Variants in EPHB2 observed in about 807,000 individuals in gnomAD.
The protein encoded by EPHB2 is ephrin type-B receptor 2.
In EPHB2, 18 loss-of-function variants were observed where a neutral mutation model predicts 96.4. The ratio of observed to expected loss-of-function variants is 0.19; its 90% CI spans 0.13 to 0.28. The LOEUF (loss-of-function observed/expected upper bound fraction) is 0.28. Among genes scored for constraint, EPHB2 ranks in the 10% least tolerant of loss-of-function variants. EPHB2 has a pLI of 1.00. For synonymous variants in EPHB2, 506 were observed against 534.1 expected, an observed-to-expected ratio of 0.95 and a Z score of 0.72; for missense variants, 989 against 1,355.4, an observed-to-expected ratio of 0.73 and a Z score of 4.25.
chr1:22,832,015 A>G (rs991992823), intron 3 of EPHB2, among the ~76,000 whole-genome samples: 2 of 152,224 alleles, frequency 1.3e-5, no homozygotes, highest in Non-Finnish European at 2.9e-5. Flanking sequence ...CAGGCCCCAA[A>G]TGGAGCAGCC....
At chr1:22,888,559 C>A (rs1024793899) in intron 6 of EPHB2, among the ~76,000 whole-genome samples, 3 of 152,208 alleles carry the variant, frequency 2.0e-5, no homozygotes, top group Non-Finnish European at 4.4e-5. Context: ...TGGCCCTAAG[C>A]TACCAGGTAA....
chr1:22,864,937 A>G lies in EPHB2; in HGVS notation c.1028A>G (p.Glu343Gly), dbSNP rs1017120256. Residue 343 changes from glutamate (E) to glycine (G), a missense_variant, in exon 5 of 16, where the codon GAG becomes GGG. By Grantham distance (98) the Glu-to-Gly change is moderately conservative (BLOSUM62 -2). Coordinates refer to ENST00000374630, the MANE Select transcript of EPHB2 (RefSeq NM_017449.5). ...SSVNETSLML[E>G]WTPPRDSGGR... is the part of the protein sequence containing the mutation. Reference sequence around the variant, plus strand: ...GTCAATGAGACCTCCCTCATGCTGGAGTGGACCCCTCCCCGCGACTCCGGA... The same window carrying G: ...GTCAATGAGACCTCCCTCATGCTGGGGTGGACCCCTCCCCGCGACTCCGGA... 6.2e-7 allele frequency: 1 copy of G among 1,605,216 alleles called. No homozygotes were observed. Among genetic ancestry groups the G allele is most frequent in the Non-Finnish European group, 8.5e-7 (1 of 1,175,514 alleles).
At chr1:22,788,985 A>G (rs1053903499) in intron 3 of EPHB2, among the ~76,000 whole-genome samples, 7 of 151,836 alleles carry the variant, frequency 4.6e-5, no homozygotes, top group Non-Finnish European at 8.8e-5. Context: ...GAACTCCTGG[A>G]CTCAAGTGAT....
At chr1:22,820,634 T>A (rs963315618) in intron 3 of EPHB2, among the ~76,000 whole-genome samples, 6 of 152,110 alleles carry the variant, frequency 3.9e-5, no homozygotes, top group Non-Finnish European at 7.4e-5. Flanking sequence ...CTGCACTCCA[T>A]GCACTCCAGC....
chr1:22,790,533 G>A lies in EPHB2; in HGVS notation c.811+5457G>A, dbSNP rs1644675657. Among the ~76,000 whole-genome samples, 1 of 152,252 alleles carries A rather than the reference G, an allele frequency of 6.6e-6. No homozygotes were observed. The highest frequency in any genetic ancestry group is 2.4e-5 in the African/African-American group (1 of 41,544). ...TTTCTAGAGTATGATAGGTGTGATT[G>A]TGAATGTTCCCCTGCCCCAGTTTCT... On this transcript the variant is annotated intron_variant, in intron 3 of 15. Transcript: ENST00000374630. This position sits in a 1 kb window ranked among gnomAD's most constrained non-coding sequence, Gnocchi z 4.0.
At chr1:22,850,967 T>C in intron 3 of EPHB2, among the ~76,000 whole-genome samples, 1 of 152,080 alleles carries the variant, frequency 6.6e-6, no homozygotes, top group East Asian at 1.9e-4. Flanking sequence ...TTGTAGGCTA[T>C]TGTTTTGTGG....
intron 3 of EPHB2, among the ~76,000 whole-genome samples, chr1:22,813,910 C>T (rs1313301427): frequency 1.9e-4 from 29 of 152,208 alleles, no homozygotes; most frequent in Non-Finnish European, 1.5e-5. Context: ...CACAGTGACT[C>T]ACGCCTGTAA....
intron 3 of EPHB2, among the ~76,000 whole-genome samples, chr1:22,849,164 G>A (rs1172031468): frequency 6.6e-6 from 1 of 152,134 alleles, no homozygotes; most frequent in Non-Finnish European, 1.5e-5. Flanking sequence ...AGGATCTGTG[G>A]TGCTGAGATT....
At chr1:22,755,323 C>G (rs1436959876) in intron 1 of EPHB2, among the ~76,000 whole-genome samples, 1 of 152,156 alleles carries the variant, frequency 6.6e-6, no homozygotes, top group East Asian at 1.9e-4. Context: ...CCTGCTGTCC[C>G]TGAATCTGTT....
At chr1:22,905,448 G>A (rs1312499514) in intron 9 of EPHB2, among the ~76,000 whole-genome samples, 1 of 152,046 alleles carries the variant, frequency 6.6e-6, no homozygotes, top group Non-Finnish European at 1.5e-5. Context: ...GGGAAGGCTG[G>A]GCAGCTAGAA....
chr1:22,916,000 G>A lies in EPHB2; in HGVS notation c.*2430G>A, dbSNP rs1640256581. 1 of 152,472 alleles carries A rather than the reference G, an allele frequency of 6.6e-6. No homozygotes were observed. Among genetic ancestry groups the A allele is most frequent in the Admixed American group, 6.5e-5 (1 of 15,290 alleles). The allele number at this position is 152,472 out of a possible 1,614,324, so 9.4% of individuals were successfully genotyped here. ...TGTTCCGGGAGCCTGAGCTGCAAAGGGAAGGAAGGGATTAGAGAGAAGTGT... is the reference window on the plus strand; with the variant it reads ...TGTTCCGGGAGCCTGAGCTGCAAAGAGAAGGAAGGGATTAGAGAGAAGTGT... On this transcript the variant is annotated 3_prime_UTR_variant, in exon 16 of 16. Transcript: ENST00000374630.
chr1:22,804,296 G>A (rs1433228249), intron 3 of EPHB2, among the ~76,000 whole-genome samples: 1 of 147,992 alleles, frequency 6.8e-6, no homozygotes, highest in East Asian at 2.0e-4. Context: ...TGCATGGATG[G>A]AGAAAACCAA....
intron 1 of EPHB2, among the ~76,000 whole-genome samples, chr1:22,740,424 A>T (rs2148364271): frequency 6.6e-6 from 1 of 152,246 alleles, no homozygotes; most frequent in African/African-American, 2.4e-5. Flanking sequence ...CAGTATGGTC[A>T]TTGTGCCCTC....
rs558968606 is a variant in EPHB2, at chr1:22,735,424, G to T, written c.61+24381G>T. Among the ~76,000 whole-genome samples, 27 of 144,984 alleles carry T rather than the reference G, an allele frequency of 1.9e-4. No individual in the cohort carries two copies. In the South Asian group the frequency reaches 4.7e-3, roughly 25 times the overall value. On this transcript the variant is annotated intron_variant, in intron 1 of 15. Coordinates refer to ENST00000374630, the MANE Select transcript of EPHB2 (RefSeq NM_017449.5). ...ACTGCACTGCAGCCTAAACAACAGA[G>T]TGAGACCCGGTATCAAAAAAAAAAA... is the stretch of plus-strand genomic sequence containing the variant.
At chr1:22,748,890 C>G (rs956628530) in intron 1 of EPHB2, among the ~76,000 whole-genome samples, 29 of 147,592 alleles carry the variant, frequency 2.0e-4, no homozygotes, top group African/African-American at 6.7e-4. Flanking sequence ...ACCAGAATTA[C>G]TTTTGCACCA....
chr1:22,775,490 TA>T (rs1644437552), intron 1 of EPHB2, among the ~76,000 whole-genome samples: 1 of 152,258 alleles, frequency 6.6e-6, no homozygotes, highest in Non-Finnish European at 1.5e-5. Context: ...CAGAGCTGGC[TA>T]GGGGTGGATC....
At position 22,790,150 on chromosome 1, in the gene EPHB2, G is replaced by C. The variant is rs146599384; in HGVS notation, c.811+5074G>C. Among the ~76,000 whole-genome samples the C allele has an allele frequency of 1.5e-3, 225 of 152,290 alleles. 2 individuals carry two copies. The East Asian group carries it at 0.035, about 24-fold the overall frequency. ...GTGAGTAGGATTTGGATGGGTGAAG[G>C]TAGGGAGGAAGGGAATTGTAGGCAG... is the stretch of plus-strand genomic sequence containing the variant. On this transcript the variant is annotated intron_variant, in intron 3 of 15. Transcript: ENST00000374630. This position sits in a 1 kb window ranked among gnomAD's most constrained non-coding sequence, Gnocchi z 4.0.
chr1:22,820,807 T>C (rs776337039), intron 3 of EPHB2, among the ~76,000 whole-genome samples: 2 of 152,266 alleles, frequency 1.3e-5, no homozygotes, highest in Non-Finnish European at 1.5e-5. Context: ...ATTATAACCA[T>C]TTCACAGATA....
chr1:22,864,870 G>T lies in EPHB2; in HGVS notation c.968-7G>T. The T allele has an allele frequency of 7.9e-7, 1 of 1,265,750 alleles. No homozygotes were observed. The highest frequency in any genetic ancestry group is 1.1e-6 in the Non-Finnish European group (1 of 944,212). 78.4% of individuals were successfully genotyped at this position (1,265,750 alleles called of 1,614,324 possible). ...CCCCACTGACCAACACCTCTCCCCCGCCCCAGCCATCCCCTCCGCGCCCCA... is the reference window on the plus strand; with the variant it reads ...CCCCACTGACCAACACCTCTCCCCCTCCCCAGCCATCCCCTCCGCGCCCCA... On this transcript the variant is annotated splice_polypyrimidine_tract_variant and splice_region_variant and intron_variant, in intron 4 of 15. Coordinates refer to ENST00000374630, the MANE Select transcript of EPHB2 (RefSeq NM_017449.5).
Sources: gnomAD v4.1 joint callset for allele counts (sites outside exome capture counted in the v4.1 genomes callset) on GRCh38, gnomAD v4.1.1 for gene constraint, Gnocchi (gnomAD v3.1) non-coding constraint, MANE v1.5 for transcripts, NCBI Gene and HGNC (gene_info 2026-07-23, HGNC 2026-07-21) for gene names.